The following PDE2A variants were observed in gnomAD, a reference collection of about 807,000 sequenced individuals.
PDE2A encodes phosphodiesterase 2A.
PDE2A carries 53 observed loss-of-function variants against 133.6 expected under a neutral mutation model. The observed-to-expected ratio is 0.40, with a 90% CI of 0.32 to 0.50. The LOEUF (loss-of-function observed/expected upper bound fraction) is 0.50. Ranked by LOEUF, PDE2A falls within the 20% of genes least tolerant of loss-of-function variation. PDE2A has a pLI of 0.73. For missense variants in PDE2A, 796 were observed against 1,232.4 expected (o/e 0.65, Z 5.30); for synonymous variants, 491 against 490.2 (o/e 1.00, Z -0.02).
chr11:72,606,102 C>T (rs1257387186), intron 3 of PDE2A, among the ~76,000 whole-genome samples: 1 of 151,980 alleles, frequency 6.6e-6, no homozygotes, highest in Non-Finnish European at 1.5e-5. Flanking sequence ...GGGCCCAGAG[C>T]AGCTCTGGCC....
chr11:72,634,576 C>G (rs1312421914), intron 2 of PDE2A, among the ~76,000 whole-genome samples: 2 of 152,198 alleles, frequency 1.3e-5, no homozygotes, highest in Non-Finnish European at 2.9e-5. Flanking sequence ...AAGGATCCAT[C>G]AGGGATGGGC....
chr11:72,635,691 T>C (rs2135425665), intron 2 of PDE2A, among the ~76,000 whole-genome samples: 1 of 152,300 alleles, frequency 6.6e-6, no homozygotes, highest in East Asian at 1.9e-4. Context: ...AACTTCCTCC[T>C]TTTACAAGTG....
At chr11:72,667,742 G>C (rs1032001397) in intron 1 of PDE2A, among the ~76,000 whole-genome samples, 1 of 152,062 alleles carries the variant, frequency 6.6e-6, no homozygotes, top group African/African-American at 2.4e-5. Context: ...TGGGTGCAGT[G>C]GCTCACACCT....
rs561396029 is a variant in PDE2A, at chr11:72,638,257, A to T, written c.144+3997T>A. Among the ~76,000 whole-genome samples the T allele has an allele frequency of 7.2e-5, 11 of 152,250 alleles. No homozygotes were observed. In the South Asian group the frequency reaches 2.3e-3, roughly 32 times the overall value. On this transcript the variant is annotated intron_variant, in intron 2 of 30. Coordinates refer to ENST00000334456, the MANE Select transcript of PDE2A (RefSeq NM_002599.5). ...ACTGGTAAAAGAAGGGCCTGATGAG[A>T]TGCTGCCTGATGAGATGAGAGTCCC... is the stretch of plus-strand genomic sequence containing the variant.
intron 3 of PDE2A, among the ~76,000 whole-genome samples, chr11:72,606,059 C>A (rs1421720715): frequency 2.6e-5 from 4 of 151,954 alleles, no homozygotes; most frequent in Non-Finnish European, 4.4e-5. Flanking sequence ...AGAGGGAGAT[C>A]AAAGCTCTTG....
Position 72,577,298 on chromosome 11 carries a change from C to A in PDE2A, c.*86G>T. 1.0e-6 allele frequency: 1 copy of A among 998,546 alleles called. No homozygotes were observed. Among genetic ancestry groups the A allele is most frequent in the Admixed American group, 2.0e-5 (1 of 50,974 alleles). 61.9% of individuals were successfully genotyped at this position (998,546 alleles called of 1,614,324 possible). Reference sequence around the variant, plus strand: ...GGAAGTCCTGGTCTAGGACCCAGGACCCGTGGCTCTGTTCCCAGTGCATCT... The same window carrying A: ...GGAAGTCCTGGTCTAGGACCCAGGAACCGTGGCTCTGTTCCCAGTGCATCT... On this transcript the variant is annotated 3_prime_UTR_variant, in exon 31 of 31. Coordinates refer to ENST00000334456, the MANE Select transcript of PDE2A (RefSeq NM_002599.5).
At chr11:72,582,369 C>G in intron 21 of PDE2A, 75 bp downstream of exon 21, 3 of 1,437,142 alleles carry the variant, frequency 2.1e-6, no homozygotes, top group African/African-American at 1.4e-5. Context: ...CCAGGAAGTT[C>G]TTGATGCGCA....
intron 2 of PDE2A, among the ~76,000 whole-genome samples, chr11:72,633,272 A>T (rs1346377903): frequency 1.3e-5 from 2 of 152,152 alleles, no homozygotes; most frequent in African/African-American, 4.8e-5. Flanking sequence ...TCAGCCTCTC[A>T]TCTGTCACCG....
chr11:72,641,933 A>AG (rs146466008), intron 2 of PDE2A, among the ~76,000 whole-genome samples: 1,701 of 152,302 alleles, frequency 0.011, 23 homozygotes, highest in African/African-American at 0.039. Context: ...AGGCGTGGGC[A>AG]GGGTCCCCAC....
intron 2 of PDE2A, chr11:72,631,252 A>G (rs2135416848): frequency 1.3e-6 from 1 of 761,848 alleles, no homozygotes; most frequent in Non-Finnish European, 2.1e-6. Context: ...TCCTCCAGGG[A>G]GCCTTGCCTG....
chr11:72,611,759 G>A (rs1591067000), intron 2 of PDE2A, among the ~76,000 whole-genome samples: 1 of 152,206 alleles, frequency 6.6e-6, no homozygotes, highest in Non-Finnish European at 1.5e-5. Context: ...GGTGTTGGGT[G>A]CAGGAACTGC....
intron 1 of PDE2A, among the ~76,000 whole-genome samples, chr11:72,647,987 G>A (rs114977979): frequency 0.015 from 2,244 of 152,346 alleles, 52 homozygotes; most frequent in African/African-American, 0.051. Flanking sequence ...GTGTGCAGAA[G>A]TGAGTGTATA....
chr11:72,609,604 T>G (rs570121526), intron 2 of PDE2A, among the ~76,000 whole-genome samples: 46 of 152,292 alleles, frequency 3.0e-4, no homozygotes, highest in South Asian at 6.2e-4. Context: ...CAAAAGTCCC[T>G]GCTTCTCGCT....
intron 1 of PDE2A, among the ~76,000 whole-genome samples, chr11:72,665,266 T>G (rs1009880876): frequency 6.6e-6 from 1 of 152,036 alleles, no homozygotes; most frequent in Non-Finnish European, 1.5e-5. Context: ...CCCACAACCA[T>G]GGGCCTCCCA....
intron 2 of PDE2A, chr11:72,631,020 T>C: frequency 2.2e-6 from 3 of 1,364,772 alleles, no homozygotes; most frequent in Non-Finnish European, 3.1e-6. Flanking sequence ...CAGACTGATC[T>C]TCAGTCTGCG....
At chr11:72,594,086 G>A (rs1856371291) in intron 6 of PDE2A, among the ~76,000 whole-genome samples, 1 of 152,210 alleles carries the variant, frequency 6.6e-6, no homozygotes, top group Non-Finnish European at 1.5e-5. Context: ...TGAAGGCAGG[G>A]CCTGTCTAAT....
chr11:72,599,768 G>C (rs529074023), intron 4 of PDE2A, among the ~76,000 whole-genome samples: 1 of 152,212 alleles, frequency 6.6e-6, no homozygotes. Flanking sequence ...TCAGTGCTGA[G>C]GGCTGAGATG....
At chr11:72,607,371 T>TA (rs946365108) in intron 3 of PDE2A, among the ~76,000 whole-genome samples, 1 of 152,112 alleles carries the variant, frequency 6.6e-6, no homozygotes, top group Non-Finnish European at 1.5e-5. Context: ...GGGGCAGCCC[T>TA]ACAGAAACCG....
At position 72,603,110 on chromosome 11, in the gene PDE2A, C is replaced by T. The variant is rs545350247; in HGVS notation, c.323+2028G>A. 1.6e-4 allele frequency among the ~76,000 whole-genome samples: 25 copies of T among 152,264 alleles called. No individual in the cohort carries two copies. The South Asian group carries it at 3.7e-3, about 23-fold the overall frequency. Reference sequence around the variant, plus strand: ...AAGAATTCCTGTTTGGGGATGATGACGGGTGTGTCCTGATGATGGGTATGT... The same window carrying T: ...AAGAATTCCTGTTTGGGGATGATGATGGGTGTGTCCTGATGATGGGTATGT... On this transcript the variant is annotated intron_variant, in intron 4 of 30. Coordinates refer to ENST00000334456, the MANE Select transcript of PDE2A (RefSeq NM_002599.5).
Sources: allele counts gnomAD v4.1 joint callset (sites outside exome capture counted in the v4.1 genomes callset), GRCh38; gene constraint gnomAD v4.1.1; transcripts MANE v1.5; gene names NCBI Gene and HGNC (gene_info 2026-07-23, HGNC 2026-07-21).